Variants in SESTD1 observed in about 807,000 individuals in gnomAD.
The protein encoded by SESTD1 is SEC14 and spectrin domain containing 1, also known as SEC14 domain and spectrin repeat-containing protein 1.
SESTD1 carries 43 observed loss-of-function variants against 101.7 expected under a neutral mutation model. The ratio of observed to expected loss-of-function variants is 0.42; its 90% confidence interval spans 0.33 to 0.55. SESTD1 has a LOEUF of 0.55. Among genes scored for constraint, SESTD1 ranks in the 20% least tolerant of loss-of-function variants. The pLI is 0.07. For missense variants in SESTD1, 647 were observed against 815.1 expected, an observed-to-expected ratio of 0.79 and a Z score of 2.51; for synonymous variants, 283 against 286.8, an observed-to-expected ratio of 0.99 and a Z score of 0.13.
chr2:179,172,889 G>A (rs1223278553), intron 4 of SESTD1, among the ~76,000 whole-genome samples: 5 of 152,064 alleles, frequency 3.3e-5, no homozygotes, highest in African/African-American at 4.8e-5. Flanking sequence ...AAGTTCTACC[G>A]CCTGCATTGT....
At chr2:179,156,131 T>TAC (rs1559118735) in intron 5 of SESTD1, among the ~76,000 whole-genome samples, 1 of 151,998 alleles carries the variant, frequency 6.6e-6, no homozygotes, top group Non-Finnish European at 1.5e-5. Flanking sequence ...TGTGTGTATA[T>TAC]ACGTATATAT....
intron 10 of SESTD1, among the ~76,000 whole-genome samples, chr2:179,128,428 T>G (rs2044928515): frequency 6.6e-6 from 1 of 152,142 alleles, no homozygotes; most frequent in Non-Finnish European, 1.5e-5. Flanking sequence ...AAATGTTTCT[T>G]CCTAAAAAAC....
rs74540663 is a variant in SESTD1 at position 179,227,893 on chromosome 2, C to G, written c.-25-36027G>C. ...GTGTGACCTTAAGCAAGCTACTTTA[C>G]CACTCACCCTGGCTTCAGTACCTTA... On this transcript the variant is annotated intron_variant, in intron 1 of 17. Coordinates refer to ENST00000428443, the MANE Select transcript of SESTD1 (RefSeq NM_178123.5). 5.7e-3 allele frequency among the ~76,000 whole-genome samples: 871 copies of G among 152,280 alleles called. 6 individuals are homozygous for G. Among genetic ancestry groups the G allele is most frequent in the Admixed American group, 0.016 (247 of 15,294 alleles).
At chr2:179,253,550 G>T (rs1055508192) in intron 1 of SESTD1, among the ~76,000 whole-genome samples, 1 of 152,114 alleles carries the variant, frequency 6.6e-6, no homozygotes, top group Non-Finnish European at 1.5e-5. Flanking sequence ...AAATAGAAAA[G>T]ATGAAAGCTT....
chr2:179,145,848 C>T (rs181641391), intron 8 of SESTD1, among the ~76,000 whole-genome samples: 171 of 152,216 alleles, frequency 1.1e-3, no homozygotes, highest in Non-Finnish European at 2.2e-3. Flanking sequence ...AATAAAAATA[C>T]ATAAACACAA....
chr2:179,177,937 C>T (rs1232204215), intron 3 of SESTD1, among the ~76,000 whole-genome samples: 2 of 152,118 alleles, frequency 1.3e-5, no homozygotes, highest in East Asian at 1.9e-4. Context: ...AAGTAAAACA[C>T]GCCAGACACA....
intron 5 of SESTD1, among the ~76,000 whole-genome samples, chr2:179,152,223 C>T (rs893699917): frequency 1.3e-5 from 2 of 152,148 alleles, no homozygotes; most frequent in Non-Finnish European, 2.9e-5. Context: ...AAAAGCCAGA[C>T]AATCTGCAAA....
At chr2:179,202,172 TAATA>T (rs1390616239) in intron 1 of SESTD1, among the ~76,000 whole-genome samples, 1 of 133,640 alleles carries the variant, frequency 7.5e-6, no homozygotes, top group Admixed American at 7.3e-5. Flanking sequence ...AATCTGTTCT[TAATA>T]AAACTGCAAG....
At chr2:179,144,492 C>T (rs1035781647) in intron 8 of SESTD1, among the ~76,000 whole-genome samples, 8 of 151,994 alleles carry the variant, frequency 5.3e-5, no homozygotes, top group Non-Finnish European at 1.0e-4. Context: ...GTAGAAAATC[C>T]ACTCATACAT....
intron 3 of SESTD1, among the ~76,000 whole-genome samples, chr2:179,177,865 T>C (rs947290381): frequency 1.3e-5 from 2 of 152,012 alleles, no homozygotes; most frequent in Admixed American, 6.5e-5. Context: ...TATTCAGCCA[T>C]AAAAAAAGAA....
At chr2:179,141,070 A>C (rs1222749218) in intron 9 of SESTD1, among the ~76,000 whole-genome samples, 1 of 152,180 alleles carries the variant, frequency 6.6e-6, no homozygotes, top group Non-Finnish European at 1.5e-5. Context: ...TTTAATTACC[A>C]TTCACGCACA....
intron 10 of SESTD1, among the ~76,000 whole-genome samples, chr2:179,125,215 T>C (rs554528789): frequency 3.8e-4 from 58 of 152,256 alleles, no homozygotes; most frequent in African/African-American, 1.3e-3. Context: ...ATGAAACCCA[T>C]TTTCTGACCA....
At chr2:179,234,535 T>G (rs951186725) in intron 1 of SESTD1, among the ~76,000 whole-genome samples, 1 of 152,152 alleles carries the variant, frequency 6.6e-6, no homozygotes, top group Non-Finnish European at 1.5e-5. Flanking sequence ...CCCAGCACTT[T>G]GTGGGGCTGA....
intron 7 of SESTD1, among the ~76,000 whole-genome samples, chr2:179,146,922 T>C (rs1339493544): frequency 6.6e-6 from 1 of 151,672 alleles, no homozygotes; most frequent in Non-Finnish European, 1.5e-5. Context: ...TGTGTGTGTG[T>C]GTGTGTGTGT....
At chr2:179,168,936 A>C (rs1285585958) in intron 5 of SESTD1, among the ~76,000 whole-genome samples, 1 of 152,182 alleles carries the variant, frequency 6.6e-6, no homozygotes, top group African/African-American at 2.4e-5. Flanking sequence ...GGTTAGACTG[A>C]TTATTAAAGA....
At chr2:179,198,354 T>C (rs1407743117) in intron 1 of SESTD1, among the ~76,000 whole-genome samples, 1 of 152,166 alleles carries the variant, frequency 6.6e-6, no homozygotes, top group Non-Finnish European at 1.5e-5. Flanking sequence ...ACATTAATAA[T>C]GGGAGACTTT....
In SESTD1 at chr2:179,209,781, A is replaced by C. The variant is rs148423636; in HGVS notation, c.-25-17915T>G. On this transcript the variant is annotated intron_variant, in intron 1 of 17. Coordinates refer to ENST00000428443, the MANE Select transcript of SESTD1 (RefSeq NM_178123.5). ...AAAGTCGGAAAGTGCACAAATTGACAATCTAAGTTCACACCTCAAAGAACT... is the reference window on the plus strand; with the variant it reads ...AAAGTCGGAAAGTGCACAAATTGACCATCTAAGTTCACACCTCAAAGAACT... Among the ~76,000 whole-genome samples the C allele has an allele frequency of 7.0e-3, 943 of 134,122 alleles. 230 individuals carry two copies. The highest frequency in any genetic ancestry group is 0.027 in the African/African-American group (908 of 33,836). 88.0% of individuals were successfully genotyped at this position (134,122 alleles called of 152,430 possible). A position where few individuals can be genotyped will look rare whatever the true frequency, so the allele number is the denominator to read the frequency against.
chr2:179,162,430 T>C (rs1159936414), intron 5 of SESTD1: 1 of 152,156 alleles, frequency 6.6e-6, no homozygotes, highest in Non-Finnish European at 1.5e-5. Flanking sequence ...ATATCAAACT[T>C]CAAGAAACAG....
chr2:179,184,613 ACT>A (rs562919438), intron 2 of SESTD1, among the ~76,000 whole-genome samples: 5 of 152,212 alleles, frequency 3.3e-5, no homozygotes, highest in South Asian at 2.1e-4. Context: ...CCCCTGAATG[ACT>A]CTGTTGGTTT....
Sources: allele counts gnomAD v4.1 joint callset (sites outside exome capture counted in the v4.1 genomes callset), GRCh38; gene constraint gnomAD v4.1.1; transcripts MANE v1.5; gene names NCBI Gene and HGNC (gene_info 2026-07-23, HGNC 2026-07-21).